LARGE1: variants seen among roughly 807,000 people sequenced by gnomAD.
LARGE1 encodes the protein xylosyl- and glucuronyltransferase LARGE1.
LARGE1 carries 43 observed loss-of-function variants against 87.6 expected under a neutral mutation model. The observed-to-expected ratio is 0.49, with a 90% confidence interval of 0.38 to 0.63. The LOEUF (loss-of-function observed/expected upper bound fraction) is 0.63. Ranked by LOEUF, LARGE1 falls within the 30% of genes least tolerant of loss-of-function variation. LARGE1 has a pLI of 0.00. For missense variants in LARGE1, 802 were observed against 1,000.2 expected, an observed-to-expected ratio of 0.80 and a Z score of 2.67; for synonymous variants, 434 against 394.6, an observed-to-expected ratio of 1.10 and a Z score of -1.18.
At chr22:33,567,513 A>T (rs2078064190) in intron 5 of LARGE1, among the ~76,000 whole-genome samples, 1 of 152,142 alleles carries the variant, frequency 6.6e-6, no homozygotes, top group Non-Finnish European at 1.5e-5. Flanking sequence ...CTGGATTTAG[A>T]TTCTAGTATC....
intron 4 of LARGE1, among the ~76,000 whole-genome samples, chr22:33,624,338 G>A (rs2079853063): frequency 6.6e-6 from 1 of 152,150 alleles, no homozygotes; most frequent in African/African-American, 2.4e-5. Context: ...GTCATTAATA[G>A]ATATATAAAA....
chr22:33,483,140 T>G (rs1055276296), intron 6 of LARGE1, among the ~76,000 whole-genome samples: 3 of 152,196 alleles, frequency 2.0e-5, no homozygotes, highest in Non-Finnish European at 2.9e-5. Context: ...TTTTCAAAAG[T>G]CTTGGCTGGC....
chr22:33,369,743 A>T (rs768314349), intron 9 of LARGE1, among the ~76,000 whole-genome samples: 1 of 151,968 alleles, frequency 6.6e-6, no homozygotes. Context: ...TAATTTTTAT[A>T]TTTTTAGTAG....
chr22:33,765,861 T>A (rs1200903855), intron 1 of LARGE1, among the ~76,000 whole-genome samples: 1 of 152,136 alleles, frequency 6.6e-6, no homozygotes, highest in Non-Finnish European at 1.5e-5. Context: ...TTTTCCTCTC[T>A]CCATCTGCAG....
chr22:33,283,634 G>A (rs1385900157), intron 12 of LARGE1, among the ~76,000 whole-genome samples: 3 of 152,066 alleles, frequency 2.0e-5, no homozygotes, highest in African/African-American at 7.2e-5. Context: ...CAAATTGGTG[G>A]GGCATGGTGG....
intron 11 of LARGE1, among the ~76,000 whole-genome samples, chr22:33,181,745 G>A (rs1276574816): frequency 2.6e-5 from 4 of 151,070 alleles, no homozygotes; most frequent in African/African-American, 9.8e-5. Context: ...GGCCAGGATG[G>A]TCTGGATCTC....
chr22:33,670,083 T>G (rs1029155442), intron 2 of LARGE1, among the ~76,000 whole-genome samples: 1 of 152,124 alleles, frequency 6.6e-6, no homozygotes, highest in Admixed American at 6.6e-5. Context: ...GCCCTGTACT[T>G]GTCAACCTGT....
chr22:33,457,452 C>T (rs375445241), intron 6 of LARGE1, among the ~76,000 whole-genome samples: 60 of 151,664 alleles, frequency 4.0e-4, no homozygotes, highest in Middle Eastern at 3.4e-3. Context: ...CCACCAAGCC[C>T]GGCCTAATTT....
intron 9 of LARGE1, among the ~76,000 whole-genome samples, chr22:33,346,227 CCTT>C (rs905903929): frequency 2.0e-5 from 3 of 151,138 alleles, no homozygotes; most frequent in African/African-American, 7.3e-5. Flanking sequence ...CTTTTCTCTT[CCTT>C]TCTTCCTTCC....
chr22:33,238,438 C>A (rs1391347973), intron 11 of LARGE1, among the ~76,000 whole-genome samples: 1 of 152,082 alleles, frequency 6.6e-6, no homozygotes, highest in Non-Finnish European at 1.5e-5. Flanking sequence ...GTCCTAGGAA[C>A]TGATATATTT....
At chr22:33,873,713 T>C (rs1478086785) in intron 1 of LARGE1, among the ~76,000 whole-genome samples, 1 of 152,094 alleles carries the variant, frequency 6.6e-6, no homozygotes, top group Non-Finnish European at 1.5e-5. Flanking sequence ...TTTCTCAGAT[T>C]CATATGCCAT....
intron 7 of LARGE1, among the ~76,000 whole-genome samples, chr22:33,387,923 C>T (rs561450662): frequency 6.6e-6 from 1 of 152,286 alleles, no homozygotes; most frequent in South Asian, 2.1e-4. Flanking sequence ...ACAGATAAAT[C>T]TAAAGTTCAT....
chr22:33,100,665 C>G, the LARGE1 span, among the ~76,000 whole-genome samples: 1 of 152,064 alleles, frequency 6.6e-6, no homozygotes, highest in African/African-American at 2.4e-5. Context: ...TCATTAGGTG[C>G]AGAATGATTC....
chr22:33,627,123 G>C (rs867545285), intron 3 of LARGE1, among the ~76,000 whole-genome samples: 40 of 152,344 alleles, frequency 2.6e-4, no homozygotes, highest in African/African-American at 9.6e-4. Flanking sequence ...AGGCACCTTA[G>C]TGTGCCACGA....
At chr22:33,459,009 A>ATT (rs150586477) in intron 6 of LARGE1, among the ~76,000 whole-genome samples, 16 of 150,220 alleles carry the variant, frequency 1.1e-4, no homozygotes, top group South Asian at 8.5e-4. Flanking sequence ...GAAGACAAGT[A>ATT]TTTTTTTTTT....
chr22:33,597,095 T>C (rs11089627), intron 5 of LARGE1, among the ~76,000 whole-genome samples: 48,207 of 151,924 alleles, frequency 0.32, 7,905 homozygotes, highest in Non-Finnish European at 0.36. Context: ...GCTCCAGCCT[T>C]ATGAGAGCAT....
intron 11 of LARGE1, among the ~76,000 whole-genome samples, chr22:33,171,433 A>G (rs1922565313): frequency 1.3e-5 from 2 of 152,224 alleles, no homozygotes; most frequent in Admixed American, 1.3e-4. Context: ...TCTCCAGGGC[A>G]TGTCAGAGAC....
Position 33,288,557 on chromosome 22 carries a change from C to T in LARGE1, c.1731-5209G>A, listed in dbSNP as rs117525776. Reference sequence around the variant, plus strand: ...ATTGGCTCTGTGTCTCTGGAGACCCCTGAGGACTGTGCTGGTAAGACATGC... The same window carrying T: ...ATTGGCTCTGTGTCTCTGGAGACCCTTGAGGACTGTGCTGGTAAGACATGC... On this transcript the variant is annotated intron_variant, in intron 12 of 14. Coordinates refer to ENST00000397394, the MANE Select transcript of LARGE1 (RefSeq NM_133642.5). Among the ~76,000 whole-genome samples the T allele has an allele frequency of 2.0e-5, 3 of 152,258 alleles. No individual in the cohort carries two copies. The East Asian group carries it at 5.8e-4, about 29-fold the overall frequency.
intron 7 of LARGE1, among the ~76,000 whole-genome samples, chr22:33,414,852 G>A (rs549825847): frequency 2.6e-5 from 4 of 152,278 alleles, no homozygotes; most frequent in African/African-American, 9.6e-5. Context: ...CCATGTGAAG[G>A]CACAGTTAGA....
Sources: gnomAD v4.1 joint callset for allele counts (sites outside exome capture counted in the v4.1 genomes callset) on GRCh38, gnomAD v4.1.1 for gene constraint, MANE v1.5 for transcripts, NCBI Gene and HGNC (gene_info 2026-07-23, HGNC 2026-07-21) for gene names.